Variants in MIGA1 observed in about 807,000 individuals in gnomAD.
MIGA1 encodes the protein family with sequence similarity 73, member A.
MIGA1 carries 58 observed loss-of-function variants against 82.0 expected under a neutral mutation model. The ratio of observed to expected loss-of-function variants is 0.71; its 90% CI spans 0.57 to 0.88. The LOEUF (loss-of-function observed/expected upper bound fraction) is 0.88. Among genes scored for constraint, MIGA1 ranks in the 40% least tolerant of loss-of-function variants. The pLI is 0.00. For missense variants in MIGA1, 751 were observed against 749.1 expected (o/e 1.00, Z -0.03); for synonymous variants, 249 against 253.6 (o/e 0.98, Z 0.17).
In MIGA1 at chr1:77,861,271, A is replaced by T; in HGVS notation, c.1323A>T (p.Leu441Phe). The T allele has an allele frequency of 6.2e-7, 1 of 1,613,712 alleles. No homozygotes were observed. ...TTTTTGATGAAATGATCTATTTTTTAGAGCAGACCGATCACTGGGGTAGTA... is the reference window on the plus strand; with the variant it reads ...TTTTTGATGAAATGATCTATTTTTTTGAGCAGACCGATCACTGGGGTAGTA... Residue 441 changes from leucine (L) to phenylalanine (F), a missense_variant, in exon 12 of 16, where the codon TTA becomes TTT. Leu to Phe is a conservative substitution (Grantham distance 22). This residue lies in a region of MIGA1 where 265 missense variants were observed against 293.6 expected (regional missense o/e 0.90). Transcript: ENST00000370791.
chr1:77,805,432 C>T (rs1023261989), intron 4 of MIGA1, among the ~76,000 whole-genome samples: 17 of 148,346 alleles, frequency 1.1e-4, no homozygotes, highest in Admixed American at 6.7e-4. Flanking sequence ...TCTGTGAAAC[C>T]GAGCAGCATA....
At position 77,873,026 on chromosome 1, in the gene MIGA1, A is replaced by G; in HGVS notation, c.1586A>G (p.His529Arg). The change falls in exon 15 of 16, where the codon CAT becomes CGT. Residue 529 changes from histidine to arginine, a missense_variant. His to Arg is a conservative substitution (Grantham distance 29). This residue lies in a region of MIGA1 where 265 missense variants were observed against 293.6 expected (regional missense o/e 0.90). Coordinates refer to ENST00000370791, the MANE Select transcript of MIGA1 (RefSeq NM_198549.4). ...CAGATCCCAGATGGATTTTTTGCCC[A>G]TTTTTATGCCATTTGTGAACACATC... 1 of 1,613,852 alleles carries G rather than the reference A, an allele frequency of 6.2e-7. No homozygotes were observed. The highest frequency in any genetic ancestry group is 1.1e-5 in the South Asian group (1 of 91,034).
intron 5 of MIGA1, among the ~76,000 whole-genome samples, chr1:77,808,417 A>T (rs927177702): frequency 3.3e-5 from 5 of 152,138 alleles, no homozygotes; most frequent in Admixed American, 6.6e-5. Flanking sequence ...ATCTTAACCT[A>T]ACCTGTTGAC....
At chr1:77,848,986 G>T (rs1419295130) in intron 8 of MIGA1, among the ~76,000 whole-genome samples, 1 of 152,126 alleles carries the variant, frequency 6.6e-6, no homozygotes, top group Non-Finnish European at 1.5e-5. Flanking sequence ...TGGATGTTTG[G>T]CTGAATTTAT....
chr1:77,790,672 C>T (rs1216171608), intron 2 of MIGA1, among the ~76,000 whole-genome samples: 3 of 151,710 alleles, frequency 2.0e-5, no homozygotes, highest in African/African-American at 4.8e-5. Flanking sequence ...TTGCAACCTC[C>T]ACATCCCAGG....
intron 7 of MIGA1, among the ~76,000 whole-genome samples, chr1:77,828,769 C>T (rs1487683245): frequency 6.6e-6 from 1 of 152,100 alleles, no homozygotes; most frequent in African/African-American, 2.4e-5. Context: ...AACTATTGGG[C>T]TCAAGGGATC....
intron 7 of MIGA1, among the ~76,000 whole-genome samples, chr1:77,825,101 GC>G (rs1430422532): frequency 6.9e-6 from 1 of 143,966 alleles, no homozygotes; most frequent in Non-Finnish European, 1.5e-5. Context: ...TGATTCTCTT[GC>G]CTCAGCCTCC....
Position 77,848,533 on chromosome 1 carries a change from C to G in MIGA1, c.996+5126C>G, listed in dbSNP as rs953809136. On this transcript the variant is annotated intron_variant, in intron 8 of 15. Coordinates refer to ENST00000370791, the MANE Select transcript of MIGA1 (RefSeq NM_198549.4). ...TAGGGCAAAGAATAAATTTCTTGAC[C>G]AAGAAAGATCCAACAAAATGAGAAA... is the stretch of plus-strand genomic sequence containing the variant. 1.1e-4 allele frequency: 136 copies of G among 1,277,442 alleles called. No homozygotes were observed. In the Middle Eastern group the frequency reaches 3.4e-3, roughly 32 times the overall value. The allele number at this position is 1,277,442 out of a possible 1,614,324, so 79.1% of individuals were successfully genotyped here. A position where few individuals can be genotyped will look rare whatever the true frequency, so the allele number is the denominator to read the frequency against.
chr1:77,829,261 A>C (rs1684145400), intron 7 of MIGA1, among the ~76,000 whole-genome samples: 1 of 152,118 alleles, frequency 6.6e-6, no homozygotes, highest in Non-Finnish European at 1.5e-5. Context: ...CTCTACAAAA[A>C]AATAAGTAGA....
intron 2 of MIGA1, among the ~76,000 whole-genome samples, chr1:77,790,553 A>T (rs144372982): frequency 0.041 from 6,171 of 149,982 alleles, 185 homozygotes; most frequent in East Asian, 0.15. Flanking sequence ...GGCATGAACC[A>T]CTGCGCCCGG....
chr1:77,803,447 A>G (rs767184599), intron 4 of MIGA1, 41 bp downstream of exon 4: 5 of 1,027,304 alleles, frequency 4.9e-6, no homozygotes, highest in Non-Finnish European at 6.7e-6. Context: ...ATTTTTGTTT[A>G]TATGTCTTCT....
intron 8 of MIGA1, among the ~76,000 whole-genome samples, chr1:77,845,135 T>A (rs563074598): frequency 2.6e-5 from 4 of 152,206 alleles, no homozygotes; most frequent in Non-Finnish European, 4.4e-5. Context: ...TTTTATCTTC[T>A]CAAGGTTTTT....
chr1:77,804,505 G>A (rs1224895875), intron 4 of MIGA1, among the ~76,000 whole-genome samples: 3 of 152,058 alleles, frequency 2.0e-5, no homozygotes, highest in African/African-American at 7.2e-5. Flanking sequence ...TTCAGTCCAG[G>A]AGTTTGAAGA....
At position 77,803,275 on chromosome 1, in the gene MIGA1, AGTT is replaced by A. The variant is rs1296533615; in HGVS notation, c.383_385del (p.Cys128del). The A allele has an allele frequency of 1.3e-6, 2 of 1,519,164 alleles. No homozygotes were observed. The highest frequency in any genetic ancestry group is 1.8e-6 in the Non-Finnish European group (2 of 1,134,132). 94.1% of individuals were successfully genotyped at this position (1,519,164 alleles called of 1,614,324 possible). A position where few individuals can be genotyped will look rare whatever the true frequency, so the allele number is the denominator to read the frequency against. On this transcript the variant is annotated inframe_deletion, in exon 4 of 16. Coordinates refer to ENST00000370791, the MANE Select transcript of MIGA1 (RefSeq NM_198549.4). ...TTAGTATGTTTATTTGATAGGTTCA[AGTT>A]GTTCCAGTAGCAGACAGAATTTGAC...
chr1:77,842,705 A>G (rs373492119), intron 7 of MIGA1, among the ~76,000 whole-genome samples: 25 of 152,046 alleles, frequency 1.6e-4, no homozygotes, highest in East Asian at 1.5e-3. Flanking sequence ...GCACCTGGCT[A>G]ATTTTTGTAT....
At chr1:77,850,173 A>G (rs1684993883) in intron 8 of MIGA1, among the ~76,000 whole-genome samples, 1 of 152,206 alleles carries the variant, frequency 6.6e-6, no homozygotes, top group African/African-American at 2.4e-5. Flanking sequence ...ACTTTTCTAT[A>G]GGACTATTTG....
intron 8 of MIGA1, among the ~76,000 whole-genome samples, chr1:77,849,785 C>A (rs1384329295): frequency 1.3e-5 from 2 of 152,006 alleles, no homozygotes; most frequent in Admixed American, 1.3e-4. Context: ...GCCTGTAATC[C>A]CAGCACTTTG....
chr1:77,822,994 C>T (rs1683884308), intron 7 of MIGA1, among the ~76,000 whole-genome samples: 1 of 152,024 alleles, frequency 6.6e-6, no homozygotes, highest in Non-Finnish European at 1.5e-5. Flanking sequence ...AGGCGTGTGC[C>T]ACCACGCCAG....
Position 77,813,848 on chromosome 1 carries a change from T to C in MIGA1, c.752T>C (p.Ile251Thr). ...ATTAAACTGGGTGCAGGAGATGCCATTGCTGAAGAAAATGTAGATGTAAGG... is the reference window on the plus strand; with the variant it reads ...ATTAAACTGGGTGCAGGAGATGCCACTGCTGAAGAAAATGTAGATGTAAGG... Residue 251 changes from isoleucine (I) to threonine (T), a missense_variant, in exon 6 of 16, where the codon ATT (isoleucine) becomes ACT (threonine). Coordinates refer to ENST00000370791, the MANE Select transcript of MIGA1 (RefSeq NM_198549.4). The C allele has an allele frequency of 8.7e-6, 14 of 1,614,174 alleles. No individual in the cohort carries two copies. Among genetic ancestry groups the C allele is most frequent in the Non-Finnish European group, 1.1e-5 (13 of 1,180,026 alleles).
Sources: allele counts gnomAD v4.1 joint callset (sites outside exome capture counted in the v4.1 genomes callset), GRCh38; gene constraint gnomAD v4.1.1; regional missense constraint gnomAD v4.1.1; transcripts MANE v1.5; gene names NCBI Gene and HGNC (gene_info 2026-07-23, HGNC 2026-07-21).